The following MCPH1 variants were observed in gnomAD, a reference collection of about 807,000 sequenced individuals.
MCPH1 encodes microcephalin 1.
MCPH1 carries 104 observed loss-of-function variants against 84.5 expected under a neutral mutation model. The observed-to-expected ratio is 1.23, with a 90% CI of 1.05 to 1.45. The LOEUF (loss-of-function observed/expected upper bound fraction) is 1.45. Among genes scored for constraint, MCPH1 ranks in the 40% most tolerant of loss-of-function variants. The pLI is 0.00. For synonymous variants in MCPH1, 514 were observed against 366.8 expected (o/e 1.40, Z -4.58); for missense variants, 1,498 against 1,005.7 (o/e 1.49, Z -6.62).
intron 12 of MCPH1, among the ~76,000 whole-genome samples, chr8:6,604,188 AGGTTTGCACTGGAAGGAGCC>A: frequency 3.8e-5 from 2 of 51,984 alleles, no homozygotes; most frequent in Non-Finnish European, 1.3e-4. Context: ...GTGGCCTTCC[AGGTTTGCACTGGAAGGAGCC>A]ACAGCCCCTC....
intron 13 of MCPH1, among the ~76,000 whole-genome samples, chr8:6,632,068 A>G (rs1797202261): frequency 6.6e-6 from 1 of 152,254 alleles, no homozygotes; most frequent in Admixed American, 6.5e-5. Flanking sequence ...ATGTTAAGTG[A>G]AATAAGCCAG....
chr8:6,606,810 A>G (rs1428735575), intron 12 of MCPH1, among the ~76,000 whole-genome samples: 1 of 152,188 alleles, frequency 6.6e-6, no homozygotes, highest in Non-Finnish European at 1.5e-5. Flanking sequence ...TGTTCTCGTG[A>G]TAGTGAATAA....
At chr8:6,540,076 G>C (rs914983377) in intron 12 of MCPH1, among the ~76,000 whole-genome samples, 12 of 152,206 alleles carry the variant, frequency 7.9e-5, no homozygotes, top group Non-Finnish European at 1.3e-4. Context: ...TCCTCCTGTG[G>C]ATAGGTACAC....
At chr8:6,634,146 G>A (rs1432800471) in intron 13 of MCPH1, among the ~76,000 whole-genome samples, 1 of 152,156 alleles carries the variant, frequency 6.6e-6, no homozygotes, top group African/African-American at 2.4e-5. Flanking sequence ...TAGATCTGAA[G>A]GCATCACACT....
At chr8:6,562,912 G>A in intron 12 of MCPH1, 1 of 1,594,470 alleles carries the variant, frequency 6.3e-7, no homozygotes, top group African/African-American at 1.3e-5. Context: ...ACAGCTCAGA[G>A]TAAAGAAAAC....
chr8:6,519,097 G>A (rs960584069), intron 12 of MCPH1, among the ~76,000 whole-genome samples: 1 of 152,182 alleles, frequency 6.6e-6, no homozygotes, highest in African/African-American at 2.4e-5. Context: ...AGTGAACTCC[G>A]CTGCTGGAGA....
chr8:6,583,662 C>T (rs1444079450), intron 12 of MCPH1, among the ~76,000 whole-genome samples: 1 of 152,138 alleles, frequency 6.6e-6, no homozygotes, highest in Admixed American at 6.5e-5. Context: ...AAGGTGATTG[C>T]AAATGAGGCC....
intron 12 of MCPH1, among the ~76,000 whole-genome samples, chr8:6,565,917 A>G (rs1163356706): frequency 6.6e-6 from 1 of 152,216 alleles, no homozygotes; most frequent in Non-Finnish European, 1.5e-5. Context: ...CTCTTTGTAG[A>G]TTCCTAAATG....
intron 4 of MCPH1, 96 bp from the exon 5 acceptor site, chr8:6,435,952 T>C: frequency 7.1e-7 from 1 of 1,417,496 alleles, no homozygotes; most frequent in Non-Finnish European, 9.6e-7. Context: ...TTATTACTGA[T>C]GTTATAAAAG....
rs972128083 is a variant in MCPH1 at position 6,457,676 on chromosome 8, G to T, written c.1935+2424G>T. Among the ~76,000 whole-genome samples, 10 of 152,260 alleles carry T rather than the reference G, an allele frequency of 6.6e-5. 1 individual carries two copies. The highest frequency in any genetic ancestry group is 2.2e-4 in the African/African-American group (9 of 41,560). On this transcript the variant is annotated intron_variant, in intron 9 of 13. Transcript: ENST00000344683. ...TCCTGGCCAGCAGCTCCCGACCCCA[G>T]TGCGGCACCCCGTCCTTAACGTGGA...
chr8:6,555,106 A>C (rs575042335), intron 12 of MCPH1, among the ~76,000 whole-genome samples: 1 of 152,122 alleles, frequency 6.6e-6, no homozygotes. Context: ...ACCACTACCC[A>C]TGATTTTTTT....
At chr8:6,636,171 T>C (rs1320695069) in intron 13 of MCPH1, among the ~76,000 whole-genome samples, 7 of 152,022 alleles carry the variant, frequency 4.6e-5, no homozygotes, top group Non-Finnish European at 8.8e-5. Context: ...AAACCCCATC[T>C]CTACTAAAAA....
At chr8:6,526,519 A>G (rs557494652) in intron 12 of MCPH1, among the ~76,000 whole-genome samples, 1 of 152,264 alleles carries the variant, frequency 6.6e-6, no homozygotes, top group Non-Finnish European at 1.5e-5. Context: ...TACTGTTTGT[A>G]GAGGAGAAAT....
intron 12 of MCPH1, among the ~76,000 whole-genome samples, chr8:6,541,284 A>G (rs1423856542): frequency 6.6e-6 from 1 of 152,214 alleles, no homozygotes; most frequent in Non-Finnish European, 1.5e-5. Flanking sequence ...AGAGAAAGTC[A>G]GTGCCCACCC....
intron 2 of MCPH1, among the ~76,000 whole-genome samples, chr8:6,411,184 T>C (rs1798485478): frequency 6.6e-6 from 1 of 152,128 alleles, no homozygotes; most frequent in Non-Finnish European, 1.5e-5. Flanking sequence ...ACAGGCCTGG[T>C]TGAAGAGTTG....
chr8:6,548,484 G>A (rs1823011304), intron 12 of MCPH1, among the ~76,000 whole-genome samples: 1 of 152,164 alleles, frequency 6.6e-6, no homozygotes, highest in Non-Finnish European at 1.5e-5. Context: ...CGAGGAAAAT[G>A]CTGGGTTTTT....
chr8:6,551,078 G>T (rs575543491), intron 12 of MCPH1, among the ~76,000 whole-genome samples: 84 of 152,322 alleles, frequency 5.5e-4, no homozygotes, highest in African/African-American at 1.9e-3. Context: ...CTAGGTAAGG[G>T]ATTTCCTTGG....
intron 5 of MCPH1, 79 bp from the exon 6 acceptor site, chr8:6,438,874 T>G: frequency 7.5e-7 from 1 of 1,340,686 alleles, no homozygotes; most frequent in Non-Finnish European, 1.1e-6. Flanking sequence ...GTGTGGGGGG[T>G]TGTTCTTTAA....
At chr8:6,438,539 T>G (rs1803008580) in intron 5 of MCPH1, among the ~76,000 whole-genome samples, 2 of 152,022 alleles carry the variant, frequency 1.3e-5, no homozygotes, top group African/African-American at 2.4e-5. Flanking sequence ...GGTCTGTGAG[T>G]GTGTTTGAGG....
Sources: allele counts gnomAD v4.1 joint callset (sites outside exome capture counted in the v4.1 genomes callset), GRCh38; gene constraint gnomAD v4.1.1; transcripts MANE v1.5; gene names NCBI Gene and HGNC (gene_info 2026-07-23, HGNC 2026-07-21).